NAA15: variants seen among roughly 807,000 people sequenced by gnomAD.
NAA15 encodes the protein N-alpha-acetyltransferase 15, NatA auxiliary subunit.
Under a neutral mutation model 114.0 loss-of-function variants are expected in NAA15, and 34 were observed. That is an observed-to-expected ratio of 0.30 (90% confidence interval 0.23 to 0.40). The LOEUF (loss-of-function observed/expected upper bound fraction) is 0.40, where lower values mean the gene tolerates loss of function less well. NAA15 is among the 10% of genes least tolerant of loss of function. The probability of loss-of-function intolerance (pLI) is 1.00; values close to 1 mark genes in which losing one functional copy is unlikely to be tolerated. For synonymous variants in NAA15, 340 were observed against 338.0 expected, an observed-to-expected ratio of 1.01 and a Z score of -0.06; for missense variants, 658 against 1,004.5, an observed-to-expected ratio of 0.66 and a Z score of 4.66.
intron 3 of NAA15, among the ~76,000 whole-genome samples, chr4:139,339,681 G>A (rs1288923814): frequency 6.6e-6 from 1 of 151,906 alleles, no homozygotes; most frequent in Non-Finnish European, 1.5e-5. Context: ...AACCTGGGAG[G>A]CAGAGGTTGC....
chr4:139,369,581 T>C (rs539655713), intron 14 of NAA15, among the ~76,000 whole-genome samples: 1 of 151,814 alleles, frequency 6.6e-6, no homozygotes, highest in South Asian at 2.1e-4. Flanking sequence ...CTACTAAAAA[T>C]ACAAAAATCA....
At chr4:139,348,866 G>A (rs1378166821) in intron 6 of NAA15, among the ~76,000 whole-genome samples, 2 of 152,174 alleles carry the variant, frequency 1.3e-5, no homozygotes, top group East Asian at 3.8e-4. Context: ...TCCAGGGAAG[G>A]CAACAGTGAG....
chr4:139,385,576 A>G (rs1363076017), intron 18 of NAA15, among the ~76,000 whole-genome samples: 3 of 152,122 alleles, frequency 2.0e-5, no homozygotes, highest in Non-Finnish European at 4.4e-5. Flanking sequence ...TAAACACCTG[A>G]AATTATCTTC....
intron 1 of NAA15, among the ~76,000 whole-genome samples, chr4:139,303,766 T>C (rs1315210676): frequency 6.6e-6 from 1 of 152,200 alleles, no homozygotes; most frequent in East Asian, 1.9e-4. Flanking sequence ...AGAGGAAGAC[T>C]GTCTCAAAAC....
rs1749046596 is a variant in NAA15 at position 139,391,066 on chromosome 4, A to G, written c.*2982A>G. The G allele has an allele frequency of 6.6e-6, 1 of 152,246 alleles. No individual in the cohort carries two copies. Among genetic ancestry groups the G allele is most frequent in the Non-Finnish European group, 1.5e-5 (1 of 68,046 alleles). 9.4% of individuals were successfully genotyped at this position (152,246 alleles called of 1,614,324 possible). ...AAAATATTGGACTTTGTTGCAAGAT[A>G]GGTATATACTTGTGTCAGATAATTA... is the stretch of plus-strand genomic sequence containing the variant. On this transcript the variant is annotated 3_prime_UTR_variant, in exon 20 of 20. Transcript: ENST00000296543.
chr4:139,319,247 T>A (rs572527983), intron 1 of NAA15, among the ~76,000 whole-genome samples: 1 of 152,258 alleles, frequency 6.6e-6, no homozygotes, highest in African/African-American at 2.4e-5. Context: ...CGAGCCGAGA[T>A]CATGCTACTG....
Position 139,301,606 on chromosome 4 carries a change from C to T in NAA15, c.-172C>T. 1 of 670,384 alleles carries T rather than the reference C, an allele frequency of 1.5e-6. No individual in the cohort carries two copies. The highest frequency in any genetic ancestry group is 1.9e-5 in the South Asian group (1 of 51,906). 41.5% of individuals were successfully genotyped at this position (670,384 alleles called of 1,614,324 possible). A position where few individuals can be genotyped will look rare whatever the true frequency, so the allele number is the denominator to read the frequency against. ...TTAAGTGAGAAAGGAAAAAAGACAA[C>T]GAGGAAAAAGGAGGTGTCCGGGTAG... On this transcript the variant is annotated 5_prime_UTR_variant, in exon 1 of 20. The change creates a new upstream start codon in the 5' untranslated region. Coordinates refer to ENST00000296543, the MANE Select transcript of NAA15 (RefSeq NM_057175.5).
At chr4:139,383,330 C>G (rs914750054) in intron 17 of NAA15, among the ~76,000 whole-genome samples, 13 of 152,128 alleles carry the variant, frequency 8.5e-5, no homozygotes, top group Admixed American at 3.3e-4. Flanking sequence ...GGATCCATAC[C>G]CAAGTCTAAC....
At position 139,313,030 on chromosome 4, in the gene NAA15, C is replaced by A. The variant is rs528863189; in HGVS notation, c.54+11199C>A. Among the ~76,000 whole-genome samples the A allele has an allele frequency of 3.3e-5, 5 of 151,668 alleles. No homozygotes were observed. In the South Asian group the frequency reaches 1.0e-3, roughly 32 times the overall value. ...TTGGGGAAATAATATTATTTGAAGC[C>A]AGTATTATTTTTAATTTTAAAGATT... On this transcript the variant is annotated intron_variant, in intron 1 of 19. Coordinates refer to ENST00000296543, the MANE Select transcript of NAA15 (RefSeq NM_057175.5).
At chr4:139,382,065 C>T (rs1371709750) in intron 17 of NAA15, among the ~76,000 whole-genome samples, 2 of 152,094 alleles carry the variant, frequency 1.3e-5, no homozygotes, top group South Asian at 2.1e-4. Flanking sequence ...TTTTTCTCCC[C>T]TGCCCACTAG....
intron 13 of NAA15, 64 bp downstream of exon 13, chr4:139,360,692 T>C (rs1262608045): frequency 8.5e-6 from 12 of 1,405,246 alleles, no homozygotes; most frequent in African/African-American, 1.5e-5. Flanking sequence ...ACAAATTTCA[T>C]AGTTTTTTTC....
chr4:139,316,854 G>A (rs535702612), intron 1 of NAA15, among the ~76,000 whole-genome samples: 4 of 121,820 alleles, frequency 3.3e-5, no homozygotes, highest in East Asian at 2.3e-4. Flanking sequence ...CCCACCCCCC[G>A]CCATAGTTCT....
Position 139,386,161 on chromosome 4 carries a change from T to G in NAA15, c.2331T>G (p.Pro777=), listed in dbSNP as rs1748903875. 2 of 1,608,942 alleles carry G rather than the reference T, an allele frequency of 1.2e-6. No individual in the cohort carries two copies. Among genetic ancestry groups the G allele is most frequent in the South Asian group, 2.2e-5 (2 of 90,144 alleles). The part of the protein sequence containing the change: ...SAAKMVYYLD[P]SSQKRAIELA... The stretch of plus-strand genomic sequence containing the variant: ...CCAAAATGGTATATTACTTAGATCC[T>G]TCTAGTCAGAAGCGAGCTATAGAGT... The change falls in exon 19 of 20, where the codon CCT becomes CCG. Residue 777 remains proline (P), a synonymous_variant. Coordinates refer to ENST00000296543, the MANE Select transcript of NAA15 (RefSeq NM_057175.5).
At chr4:139,305,239 C>T (rs1231366937) in intron 1 of NAA15, among the ~76,000 whole-genome samples, 1 of 152,144 alleles carries the variant, frequency 6.6e-6, no homozygotes, top group African/African-American at 2.4e-5. Flanking sequence ...TTGCCAAAAT[C>T]ACAGTGCTGA....
chr4:139,367,596 CTG>C (rs755882402), intron 14 of NAA15, among the ~76,000 whole-genome samples: 2 of 152,162 alleles, frequency 1.3e-5, no homozygotes, highest in Non-Finnish European at 2.9e-5. Context: ...TTGAGAGAAT[CTG>C]TGAGTCATAC....
chr4:139,324,684 C>A (rs1746731988), intron 1 of NAA15, among the ~76,000 whole-genome samples: 1 of 152,212 alleles, frequency 6.6e-6, no homozygotes, highest in African/African-American at 2.4e-5. Flanking sequence ...GTAATCCCAG[C>A]ACTTCAGGAG....
intron 1 of NAA15, 131 bp from the exon 2 acceptor site, chr4:139,334,043 A>G: frequency 1.7e-6 from 1 of 600,934 alleles, no homozygotes. Flanking sequence ...TTTTATTGGC[A>G]TTTTACCGAG....
intron 14 of NAA15, among the ~76,000 whole-genome samples, chr4:139,366,212 C>T (rs1217945989): frequency 6.6e-6 from 1 of 151,984 alleles, no homozygotes; most frequent in Non-Finnish European, 1.5e-5. Flanking sequence ...GTGACTCTGA[C>T]TCAGGGTCTC....
At chr4:139,377,394 C>T (rs138717019) in intron 16 of NAA15, among the ~76,000 whole-genome samples, 4,178 of 151,928 alleles carry the variant, frequency 0.027, 73 homozygotes, top group Non-Finnish European at 0.042. Flanking sequence ...AAAAATTAGC[C>T]GGGTGTGGTG....
Sources: allele counts gnomAD v4.1 joint callset (sites outside exome capture counted in the v4.1 genomes callset), GRCh38; gene constraint gnomAD v4.1.1; transcripts MANE v1.5; gene names NCBI Gene and HGNC (gene_info 2026-07-23, HGNC 2026-07-21).